Variants in PEAK1 observed in about 807,000 individuals in gnomAD.
The protein encoded by PEAK1 is inactive tyrosine-protein kinase PEAK1.
In PEAK1, 54 loss-of-function variants were observed where a neutral mutation model predicts 124.7. That is an observed-to-expected ratio of 0.43 (90% CI 0.35 to 0.54). PEAK1 has a LOEUF of 0.54. PEAK1 is among the 20% of genes least tolerant of loss of function. PEAK1 has a pLI of 0.01. For missense variants in PEAK1, 2,046 were observed against 2,134.5 expected, an observed-to-expected ratio of 0.96 and a Z score of 0.82; for synonymous variants, 719 against 760.0, an observed-to-expected ratio of 0.95 and a Z score of 0.89.
At chr15:77,150,050 G>C (rs2054468722) in intron 8 of PEAK1, among the ~76,000 whole-genome samples, 1 of 152,074 alleles carries the variant, frequency 6.6e-6, no homozygotes, top group Non-Finnish European at 1.5e-5. Flanking sequence ...GTGCCTGGCA[G>C]CATCACATAC....
chr15:77,132,951 C>A, intron 9 of PEAK1, 54 bp downstream of exon 9: 27 of 1,502,512 alleles, frequency 1.8e-5, no homozygotes, highest in Non-Finnish European at 2.3e-5. Flanking sequence ...TGAATCCATC[C>A]CAGTAACAAT....
chr15:77,112,660 TACACACACAC>T lies in PEAK1; in HGVS notation c.*1486_*1495del, dbSNP rs10539940. 5,816 of 145,316 alleles carry T rather than the reference TACACACACAC, an allele frequency of 0.04. 239 individuals carry two copies. Among genetic ancestry groups the T allele is most frequent in the African/African-American group, 0.11 (4,422 of 39,180 alleles). 9.0% of individuals were successfully genotyped at this position (145,316 alleles called of 1,614,324 possible). On this transcript the variant is annotated 3_prime_UTR_variant, in exon 10 of 10. Coordinates refer to ENST00000682557, the MANE Select transcript of PEAK1 (RefSeq NM_001385026.1). ...AAGCACAGGTGAACATGTGTATACA[TACACACACAC>T]ACACACACACACACACACACACACA...
At chr15:77,347,184 C>T in intron 2 of PEAK1, 1 of 969,816 alleles carries the variant, frequency 1.0e-6, no homozygotes, top group Non-Finnish European at 1.2e-6. Context: ...ACAACGTTAA[C>T]AACGGCAGAA....
At chr15:77,372,644 T>C (rs1038792462) in intron 1 of PEAK1, among the ~76,000 whole-genome samples, 1 of 152,188 alleles carries the variant, frequency 6.6e-6, no homozygotes, top group Non-Finnish European at 1.5e-5. Flanking sequence ...AGAACCTAAG[T>C]ATCAGACAGG....
At chr15:77,141,749 C>G (rs1315448029) in intron 8 of PEAK1, among the ~76,000 whole-genome samples, 1 of 152,100 alleles carries the variant, frequency 6.6e-6, no homozygotes, top group Non-Finnish European at 1.5e-5. Context: ...TGATTTTTGA[C>G]AAGATTGCCA....
intron 2 of PEAK1, chr15:77,335,174 A>T: frequency 3.0e-6 from 3 of 985,462 alleles, no homozygotes; most frequent in Non-Finnish European, 3.6e-6. Context: ...ACATGCATTA[A>T]GTTTACTGTC....
intron 6 of PEAK1, among the ~76,000 whole-genome samples, chr15:77,246,272 G>A (rs554980210): frequency 6.6e-6 from 1 of 152,292 alleles, no homozygotes; most frequent in Non-Finnish European, 1.5e-5. Flanking sequence ...CTCCCAAAGT[G>A]CTGGGATTAC....
chr15:77,318,893 G>A (rs368768976), intron 2 of PEAK1, among the ~76,000 whole-genome samples: 11 of 152,006 alleles, frequency 7.2e-5, no homozygotes, highest in African/African-American at 2.2e-4. Flanking sequence ...TACTACAGTC[G>A]GAGTTAGTAT....
chr15:77,190,908 G>A (rs1349756441), intron 6 of PEAK1, among the ~76,000 whole-genome samples: 1 of 152,166 alleles, frequency 6.6e-6, no homozygotes, highest in Non-Finnish European at 1.5e-5. Flanking sequence ...TTAAATTGCT[G>A]TTAATTTGCA....
chr15:77,253,251 G>T (rs989374542), intron 5 of PEAK1, among the ~76,000 whole-genome samples: 2 of 149,628 alleles, frequency 1.3e-5, no homozygotes, highest in African/African-American at 4.9e-5. Context: ...GCGTTGGGGG[G>T]GGGGTGGTCC....
At chr15:77,157,507 C>T (rs980168553) in intron 8 of PEAK1, 14 of 152,242 alleles carry the variant, frequency 9.2e-5, no homozygotes, top group Admixed American at 5.9e-4. Flanking sequence ...CAGAGAATTG[C>T]AGAATCTTTG....
chr15:77,247,434 A>G (rs745400904), intron 6 of PEAK1, among the ~76,000 whole-genome samples: 1 of 142,828 alleles, frequency 7.0e-6, no homozygotes, highest in Non-Finnish European at 1.5e-5. Context: ...GAGTAATTAT[A>G]TGGGTCATAT....
chr15:77,346,512 T>C, intron 2 of PEAK1: 1 of 985,392 alleles, frequency 1.0e-6, no homozygotes, highest in Non-Finnish European at 1.2e-6. Flanking sequence ...ATTGCTTTTA[T>C]GACTAGGATG....
rs965695777 is a variant in PEAK1, at chr15:77,109,832, T to A, written c.*4324A>T. On this transcript the variant is annotated 3_prime_UTR_variant, in exon 10 of 10. Coordinates refer to ENST00000682557, the MANE Select transcript of PEAK1 (RefSeq NM_001385026.1). ...GGGTTGGCCCAGCAAGTCCAGTTTG[T>A]CTCACCCCTCTCCAAGAATGTTCAT... The A allele has an allele frequency of 3.9e-5, 6 of 152,308 alleles. No individual in the cohort carries two copies. The highest frequency in any genetic ancestry group is 3.4e-3 in the Middle Eastern group (1 of 294). The allele number at this position is 152,308 out of a possible 1,614,324, so 9.4% of individuals were successfully genotyped here.
Position 77,311,660 on chromosome 15 carries a change from G to T in PEAK1, c.-602-25156C>A, listed in dbSNP as rs79525425. ...TGCACTCTAGCCTGGGAAACACAGCGAGATTCCAACCCCCCCAACCCCCAC... is the reference window on the plus strand; with the variant it reads ...TGCACTCTAGCCTGGGAAACACAGCTAGATTCCAACCCCCCCAACCCCCAC... On this transcript the variant is annotated intron_variant, in intron 2 of 9. Coordinates refer to ENST00000682557, the MANE Select transcript of PEAK1 (RefSeq NM_001385026.1). 5.3e-3 allele frequency among the ~76,000 whole-genome samples: 664 copies of T among 125,768 alleles called. 8 individuals carry two copies. The highest frequency in any genetic ancestry group is 0.018 in the African/African-American group (600 of 32,804). The allele number at this position is 125,768 out of a possible 152,430, so 82.5% of individuals were successfully genotyped here.
intron 5 of PEAK1, among the ~76,000 whole-genome samples, chr15:77,281,763 T>C (rs1007222947): frequency 1.2e-4 from 18 of 152,194 alleles, no homozygotes; most frequent in African/African-American, 4.1e-4. Flanking sequence ...ATACATAAGC[T>C]AATGAAATAT....
At chr15:77,403,086 A>T in intron 1 of PEAK1, 1 of 985,350 alleles carries the variant, frequency 1.0e-6, no homozygotes, top group African/African-American at 1.7e-5. Context: ...ATCATTATAG[A>T]AATAAGAAAC....
In PEAK1 at chr15:77,402,827, GA is replaced by G. The variant is rs547266773; in HGVS notation, c.-666+17178del. 290 of 951,650 alleles carry G rather than the reference GA, an allele frequency of 3.0e-4. 1 individual carries two copies. Among genetic ancestry groups the G allele is most frequent in the African/African-American group, 2.9e-3 (162 of 55,994 alleles). The allele number at this position is 951,650 out of a possible 1,614,324, so 59.0% of individuals were successfully genotyped here. ...AGGATAGATAAAAGCCATGTTGTAT[GA>G]AAAAAAAAATGCCCTAACGAATGGG... is the stretch of plus-strand genomic sequence containing the variant. On this transcript the variant is annotated intron_variant, in intron 1 of 9. Coordinates refer to ENST00000682557, the MANE Select transcript of PEAK1 (RefSeq NM_001385026.1).
chr15:77,267,379 C>A (rs2061793185), intron 5 of PEAK1, among the ~76,000 whole-genome samples: 3 of 152,088 alleles, frequency 2.0e-5, no homozygotes, highest in Admixed American at 2.0e-4. Context: ...CTTGAAAGCA[C>A]CACCTCCTAT....
Sources: allele counts gnomAD v4.1 joint callset (sites outside exome capture counted in the v4.1 genomes callset), GRCh38; gene constraint gnomAD v4.1.1; transcripts MANE v1.5; gene names NCBI Gene and HGNC (gene_info 2026-07-23, HGNC 2026-07-21).